Variants in CSGALNACT1 observed in about 807,000 individuals in gnomAD.
The protein encoded by CSGALNACT1 is chondroitin sulfate N-acetylgalactosaminyltransferase 1.
In CSGALNACT1, 52 loss-of-function variants were observed where a neutral mutation model predicts 51.0. The ratio of observed to expected loss-of-function variants is 1.02; its 90% confidence interval spans 0.82 to 1.29. The LOEUF (loss-of-function observed/expected upper bound fraction) is 1.29. Among genes scored for constraint, CSGALNACT1 ranks in the 50% most tolerant of loss-of-function variants. CSGALNACT1 has a pLI of 0.00. For synonymous variants in CSGALNACT1, 341 were observed against 254.4 expected (o/e 1.34, Z -3.24); for missense variants, 935 against 679.2 (o/e 1.38, Z -4.19).
intron 4 of CSGALNACT1, among the ~76,000 whole-genome samples, chr8:19,473,051 G>A (rs946323611): frequency 1.3e-5 from 2 of 152,006 alleles, no homozygotes; most frequent in Non-Finnish European, 2.9e-5. Flanking sequence ...AACAGGTCAG[G>A]ACTCCATAGC....
chr8:19,422,583 T>C (rs918056794), intron 6 of CSGALNACT1, among the ~76,000 whole-genome samples: 1 of 152,236 alleles, frequency 6.6e-6, no homozygotes, highest in Non-Finnish European at 1.5e-5. Context: ...GTCTTTTCTC[T>C]GGGGGGGTGC....
chr8:19,709,303 G>A (rs1328152370), intron 1 of CSGALNACT1, among the ~76,000 whole-genome samples: 3 of 152,152 alleles, frequency 2.0e-5, no homozygotes, highest in African/African-American at 7.2e-5. Context: ...TAACAAATAC[G>A]TTATATGTAT....
intron 6 of CSGALNACT1, among the ~76,000 whole-genome samples, chr8:19,435,845 C>G (rs1363531088): frequency 1.3e-5 from 2 of 152,124 alleles, no homozygotes; most frequent in East Asian, 3.9e-4. Context: ...GACCATGATC[C>G]TTATAAAGGA....
intron 4 of CSGALNACT1, among the ~76,000 whole-genome samples, chr8:19,476,082 T>C (rs1289917872): frequency 6.6e-6 from 1 of 152,232 alleles, no homozygotes; most frequent in East Asian, 1.9e-4. Flanking sequence ...ATGTATCCTA[T>C]GACTGAGGTT....
intron 1 of CSGALNACT1, among the ~76,000 whole-genome samples, chr8:19,643,105 T>C (rs1467192217): frequency 6.6e-6 from 1 of 152,068 alleles, no homozygotes; most frequent in African/African-American, 2.4e-5. Context: ...ATTGAATTAG[T>C]AAATTTACCT....
At chr8:19,444,956 G>A (rs2061880929) in intron 5 of CSGALNACT1, among the ~76,000 whole-genome samples, 1 of 152,160 alleles carries the variant, frequency 6.6e-6, no homozygotes, top group Non-Finnish European at 1.5e-5. Context: ...ACTGACCCAG[G>A]CAAGACGCAT....
chr8:19,748,982 A>G (rs975313526), intron 1 of CSGALNACT1, among the ~76,000 whole-genome samples: 2 of 151,692 alleles, frequency 1.3e-5, no homozygotes, highest in African/African-American at 4.8e-5. Flanking sequence ...AAAAAACATT[A>G]AGGAACTTGC....
At chr8:19,594,923 T>A (rs2048584716) in intron 2 of CSGALNACT1, among the ~76,000 whole-genome samples, 1 of 152,170 alleles carries the variant, frequency 6.6e-6, no homozygotes, top group South Asian at 2.1e-4. Context: ...CCTCCAGGCT[T>A]GGCCTAAGGT....
At chr8:19,438,721 G>C (rs2060802908) in intron 6 of CSGALNACT1, among the ~76,000 whole-genome samples, 1 of 152,192 alleles carries the variant, frequency 6.6e-6, no homozygotes. Context: ...CTGCATTCCA[G>C]TAAAACTTTA....
chr8:19,596,171 T>C (rs2048855297), intron 2 of CSGALNACT1, among the ~76,000 whole-genome samples: 1 of 152,182 alleles, frequency 6.6e-6, no homozygotes, highest in African/African-American at 2.4e-5. Context: ...CCCAGCCTCA[T>C]TTTCAGTTCC....
At chr8:19,504,659 G>A (rs1255436830) in intron 4 of CSGALNACT1, among the ~76,000 whole-genome samples, 1 of 152,212 alleles carries the variant, frequency 6.6e-6, no homozygotes, top group Non-Finnish European at 1.5e-5. Context: ...TAAGGACATG[G>A]ACTCTGGAGT....
rs17128497 is a variant in CSGALNACT1 at position 19,491,674 on chromosome 8, G to A, written c.634+13527C>T. Among the ~76,000 whole-genome samples the A allele has an allele frequency of 4.6e-3, 696 of 152,228 alleles. 3 individuals are homozygous for A. The highest frequency in any genetic ancestry group is 0.015 in the African/African-American group (642 of 41,520). The stretch of plus-strand genomic sequence containing the variant: ...TGTATCTTTCATGATGTTTGCTTGG[G>A]TTTAAGTTTCAGCAAGAATTTATGT... On this transcript the variant is annotated intron_variant, in intron 4 of 9. Transcript: ENST00000454498.
chr8:19,687,909 G>T lies in CSGALNACT1; in HGVS notation c.-297+69941C>A, dbSNP rs1033012330. Among the ~76,000 whole-genome samples, 14 of 152,166 alleles carry T rather than the reference G, an allele frequency of 9.2e-5. No homozygotes were observed. In the East Asian group the frequency reaches 1.9e-3, roughly 21 times the overall value. On this transcript the variant is annotated intron_variant, in intron 1 of 1. Coordinates refer to the CSGALNACT1 transcript ENST00000517494. The stretch of plus-strand genomic sequence containing the variant: ...TACTGTATAACCCTCAGAGGAAAAA[G>T]AATCAAGTTTCTGAGAACACATAAA...
chr8:19,673,767 A>G (rs1447362159), intron 1 of CSGALNACT1, among the ~76,000 whole-genome samples: 1 of 152,218 alleles, frequency 6.6e-6, no homozygotes, highest in East Asian at 1.9e-4. Context: ...TTCTTTTGAA[A>G]CAGAGTTTTA....
intron 3 of CSGALNACT1, among the ~76,000 whole-genome samples, chr8:19,576,594 C>G (rs2044275420): frequency 6.6e-6 from 1 of 151,962 alleles, no homozygotes; most frequent in South Asian, 2.1e-4. Flanking sequence ...CCCAACGAGT[C>G]TTGCTGGCAG....
intron 3 of CSGALNACT1, chr8:19,585,399 A>T (rs1356584653): frequency 6.6e-6 from 1 of 152,386 alleles, no homozygotes; most frequent in African/African-American, 2.4e-5. Context: ...CATGGGCCAC[A>T]AAAGCACAAC....
rs755422032 is a variant in CSGALNACT1 at position 19,509,621 on chromosome 8, CAAAAAAA to C, written c.-296-3498_-296-3492del. Among the ~76,000 whole-genome samples the C allele has an allele frequency of 7.9e-4, 45 of 56,988 alleles. No individual in the cohort carries two copies. In the South Asian group the frequency reaches 0.013, roughly 16 times the overall value. The allele number at this position is 56,988 out of a possible 152,430, so 37.4% of individuals were successfully genotyped here. The stretch of plus-strand genomic sequence containing the variant: ...TGGGCAACAGTGCAAGACTCTGTCT[CAAAAAAA>C]AAAAAAAAAAAAAAAAAAAATGGGT... On this transcript the variant is annotated intron_variant, in intron 3 of 9. Coordinates refer to ENST00000454498, the Ensembl canonical transcript of CSGALNACT1.
chr8:19,642,996 T>G (rs1327320165), intron 1 of CSGALNACT1, among the ~76,000 whole-genome samples: 1 of 152,128 alleles, frequency 6.6e-6, no homozygotes, highest in Non-Finnish European at 1.5e-5. Context: ...AAAATACAGT[T>G]AAATTGTGAC....
Position 19,494,828 on chromosome 8 carries a change from C to T in CSGALNACT1, c.634+10373G>A, listed in dbSNP as rs77540963. Among the ~76,000 whole-genome samples the T allele has an allele frequency of 8.0e-3, 1,150 of 143,418 alleles. 14 individuals carry two copies. The highest frequency in any genetic ancestry group is 0.028 in the African/African-American group (1,074 of 38,774). The allele number at this position is 143,418 out of a possible 152,430, so 94.1% of individuals were successfully genotyped here. A position where few individuals can be genotyped will look rare whatever the true frequency, so the allele number is the denominator to read the frequency against. On this transcript the variant is annotated intron_variant, in intron 4 of 9. Coordinates refer to ENST00000454498, the Ensembl canonical transcript of CSGALNACT1. The stretch of plus-strand genomic sequence containing the variant: ...TGAGAAACCAGATGGAACACTCCAA[C>T]GTTAGAAAGTCCATTTCTTCCCTCC...
Sources: gnomAD v4.1 joint callset for allele counts (sites outside exome capture counted in the v4.1 genomes callset) on GRCh38, gnomAD v4.1.1 for gene constraint, MANE v1.5 for transcripts, NCBI Gene and HGNC (gene_info 2026-07-23, HGNC 2026-07-21) for gene names.